The following BATF3 variants were observed in gnomAD, a reference collection of about 807,000 sequenced individuals.
The protein encoded by BATF3 is basic leucine zipper ATF-like transcription factor 3.
A neutral mutation model predicts 16.1 loss-of-function variants in BATF3; 8 were observed. The observed-to-expected ratio is 0.50, with a 90% CI of 0.29 to 0.90. BATF3 has a LOEUF of 0.90. BATF3 is among the 40% of genes least tolerant of loss of function. BATF3 has a pLI of 0.08. For missense variants in BATF3, 139 were observed against 167.0 expected (o/e 0.83, Z 0.92); for synonymous variants, 74 against 72.7 (o/e 1.02, Z -0.09).
chr1:212,696,039 G>A (rs1657117986), intron 2 of BATF3, among the ~76,000 whole-genome samples: 1 of 152,112 alleles, frequency 6.6e-6, no homozygotes, highest in Admixed American at 6.5e-5. Context: ...AGACACTGAA[G>A]CTATGGGGTC....
At chr1:212,694,906 CTG>C (rs1250070641) in intron 2 of BATF3, among the ~76,000 whole-genome samples, 8 of 152,222 alleles carry the variant, frequency 5.3e-5, no homozygotes, top group Non-Finnish European at 8.8e-5. Context: ...TTATGCCACA[CTG>C]TGAATTTATA....
In BATF3 at chr1:212,689,727, A is replaced by T. The variant is rs1357429597; in HGVS notation, c.196-2748T>A. Among the ~76,000 whole-genome samples, 1 of 151,746 alleles carries T rather than the reference A, an allele frequency of 6.6e-6. No homozygotes were observed. The highest frequency in any genetic ancestry group is 1.9e-4 in the East Asian group (1 of 5,184). On this transcript the variant is annotated intron_variant, in intron 2 of 2. Coordinates refer to ENST00000243440, the MANE Select transcript of BATF3 (RefSeq NM_018664.3). This position sits in a 1 kb window ranked among gnomAD's most constrained non-coding sequence, Gnocchi z 4.6. The stretch of plus-strand genomic sequence containing the variant: ...CACACACTCACACACTCTCATACAC[A>T]TTCACACACTCTTACACACATACAC...
rs888365358 is a variant in BATF3, at chr1:212,699,701, T to G, written c.62A>C (p.Asn21Thr). 2.2e-6 allele frequency: 3 copies of G among 1,346,064 alleles called. No homozygotes were observed. Among genetic ancestry groups the G allele is most frequent in the Non-Finnish European group, 2.9e-6 (3 of 1,044,342 alleles). The allele number at this position is 1,346,064 out of a possible 1,614,324, so 83.4% of individuals were successfully genotyped here. Residue 21 changes from asparagine (N) to threonine (T), a missense_variant, in exon 1 of 3, where the codon AAC (asparagine) becomes ACC (threonine). Coordinates refer to ENST00000243440, the MANE Select transcript of BATF3 (RefSeq NM_018664.3). The surrounding 1 kb of genome is among the most constrained non-coding windows in gnomAD (Gnocchi z 4.4). The stretch of plus-strand genomic sequence containing the variant: ...CTGCTGCGGCTGCGGCTGCGGCTGG[T>G]TCCCGGGCGCCGCGACGCTCCTCTG... ...VLQRSVAAPG[N>T]QPQPQPQQQS...
chr1:212,695,188 C>A (rs1168513185), intron 2 of BATF3, among the ~76,000 whole-genome samples: 2 of 152,080 alleles, frequency 1.3e-5, no homozygotes, highest in East Asian at 3.9e-4. Flanking sequence ...CGTGGCAAAA[C>A]CCCACCTCTA....
In BATF3 at chr1:212,689,396, A is replaced by C. The variant is rs1656940259; in HGVS notation, c.196-2417T>G. ...TGAGCCATTCCCCAGGCAGGTTCCC[A>C]GGGTGGTCTGGAGCACTCTCCAGGG... On this transcript the variant is annotated intron_variant, in intron 2 of 2. Transcript: ENST00000243440. This position sits in a 1 kb window ranked among gnomAD's most constrained non-coding sequence, Gnocchi z 4.6. Among the ~76,000 whole-genome samples the C allele has an allele frequency of 1.3e-5, 2 of 152,144 alleles. No homozygotes were observed. Among genetic ancestry groups the C allele is most frequent in the Non-Finnish European group, 2.9e-5 (2 of 68,014 alleles).
At chr1:212,688,264 T>A (rs1421696279) in intron 2 of BATF3, among the ~76,000 whole-genome samples, 8 of 152,206 alleles carry the variant, frequency 5.3e-5, no homozygotes, top group Non-Finnish European at 1.2e-4. Flanking sequence ...TTTGCCATTC[T>A]GGGGACCCTC....
Position 212,686,629 on chromosome 1 carries a change from G to C in BATF3, c.*162C>G, listed in dbSNP as rs1439344057. 2 of 1,235,716 alleles carry C rather than the reference G, an allele frequency of 1.6e-6. No homozygotes were observed. The highest frequency in any genetic ancestry group is 2.6e-5 in the East Asian group (1 of 38,844). 76.5% of individuals were successfully genotyped at this position (1,235,716 alleles called of 1,614,324 possible). On this transcript the variant is annotated 3_prime_UTR_variant, in exon 3 of 3. Coordinates refer to ENST00000243440, the MANE Select transcript of BATF3 (RefSeq NM_018664.3). ...GTGAGTTTGGCGCCTGTTGGATGTC[G>C]GGCTGAGCCCAGTCTGCAGGGAACA... is the stretch of plus-strand genomic sequence containing the variant.
chr1:212,687,999 G>GAAAT (rs60642079), intron 2 of BATF3, among the ~76,000 whole-genome samples: 1 of 77,226 alleles, frequency 1.3e-5, no homozygotes, highest in East Asian at 3.4e-4. Flanking sequence ...AAGAAAGAAA[G>GAAAT]GAAGGAAGGA....
Position 212,699,257 on chromosome 1 carries a change from C to CG in BATF3, c.90+415_90+416insC, listed in dbSNP as rs145163147. ...GGCGTTCTCCATTCCCGCGGCAGCA[C>CG]CCCCCCCACCCGGGGGAATCCTGGA... is the stretch of plus-strand genomic sequence containing the variant. On this transcript the variant is annotated intron_variant, in intron 1 of 2. Coordinates refer to ENST00000243440, the MANE Select transcript of BATF3 (RefSeq NM_018664.3). The surrounding 1 kb of genome is among the most constrained non-coding windows in gnomAD (Gnocchi z 4.4). 1.3e-5 allele frequency among the ~76,000 whole-genome samples: 1 copy of CG among 76,094 alleles called. No homozygotes were observed. The highest frequency in any genetic ancestry group is 3.2e-5 in the Non-Finnish European group (1 of 31,288). 49.9% of individuals were successfully genotyped at this position (76,094 alleles called of 152,430 possible). A position where few individuals can be genotyped will look rare whatever the true frequency, so the allele number is the denominator to read the frequency against.
chr1:212,697,107 G>T, intron 1 of BATF3, 42 bp from the exon 2 acceptor site: 1 of 1,514,250 alleles, frequency 6.6e-7, no homozygotes, highest in African/African-American at 1.4e-5. Context: ...GTGGCCCCTC[G>T]CCTTACCCTT....
chr1:212,696,993 T>C lies in BATF3; in HGVS notation c.163A>G (p.Lys55Glu). The C allele has an allele frequency of 6.2e-7, 1 of 1,614,200 alleles. No homozygotes were observed. The highest frequency in any genetic ancestry group is 8.5e-7 in the Non-Finnish European group (1 of 1,180,012). ...AGCTTGTCAGCCTTCTGGGTCTGCTTCTTCCGACTTCTCTGAGCAGCAACT... is the reference window on the plus strand; with the variant it reads ...AGCTTGTCAGCCTTCTGGGTCTGCTCCTTCCGACTTCTCTGAGCAGCAACT... ...NRVAAQRSRK[K>E]QTQKADKLHE... The change falls in exon 2 of 3, where the codon AAG becomes GAG. Residue 55 changes from lysine (K) to glutamate (E), a missense_variant. Physicochemically the swap from Lys to Glu is moderately conservative, Grantham distance 56. Transcript: ENST00000243440.
chr1:212,695,695 A>G (rs1035373155), intron 2 of BATF3, among the ~76,000 whole-genome samples: 5 of 151,984 alleles, frequency 3.3e-5, no homozygotes, highest in African/African-American at 1.2e-4. Context: ...CTTTAATTAC[A>G]CACACCAACC....
chr1:212,691,650 A>G (rs12068304), intron 2 of BATF3, among the ~76,000 whole-genome samples: 29,635 of 152,266 alleles, frequency 0.19, 3,228 homozygotes, highest in African/African-American at 0.29. Context: ...AAACCATGGC[A>G]ACACATACCA....
chr1:212,686,785 C>G lies in BATF3; in HGVS notation c.*6G>C. ...CTCCTTGCTGGGCAGAGGAGTGTCC[C>G]CGGCTTCATCGGGGCAAGCAGCCGG... is the stretch of plus-strand genomic sequence containing the variant. On this transcript the variant is annotated 3_prime_UTR_variant, in exon 3 of 3. Coordinates refer to ENST00000243440, the MANE Select transcript of BATF3 (RefSeq NM_018664.3). 1 of 1,609,282 alleles carries G rather than the reference C, an allele frequency of 6.2e-7. No individual in the cohort carries two copies. The highest frequency in any genetic ancestry group is 8.5e-7 in the Non-Finnish European group (1 of 1,177,706).
chr1:212,698,993 G>A (rs1342292663), intron 1 of BATF3, among the ~76,000 whole-genome samples: 1 of 152,198 alleles, frequency 6.6e-6, no homozygotes. Context: ...TGGGCCGGGC[G>A]CTGAATTGGG....
At chr1:212,692,335 A>G (rs1286421882) in intron 2 of BATF3, among the ~76,000 whole-genome samples, 1 of 152,192 alleles carries the variant, frequency 6.6e-6, no homozygotes, top group Non-Finnish European at 1.5e-5. Context: ...GAGCAAGGAT[A>G]ATATGCAAAT....
chr1:212,699,384 T>A lies in BATF3; in HGVS notation c.90+289A>T, dbSNP rs1345765976. Among the ~76,000 whole-genome samples the A allele has an allele frequency of 2.0e-5, 3 of 151,836 alleles. No individual in the cohort carries two copies. The highest frequency in any genetic ancestry group is 4.4e-5 in the Non-Finnish European group (3 of 67,932). ...CCCACGTGCCGGGGAGCACCGGCCA[T>A]GCCCGGCCCAGCCAGGCGTCGGCGC... On this transcript the variant is annotated intron_variant, in intron 1 of 2. Coordinates refer to ENST00000243440, the MANE Select transcript of BATF3 (RefSeq NM_018664.3). This position sits in a 1 kb window ranked among gnomAD's most constrained non-coding sequence, Gnocchi z 4.4.
Position 212,687,800 on chromosome 1 carries a change from ACCTATAGTCTCAGGTACT to A in BATF3, c.196-839_196-822del, listed in dbSNP as rs374174690. Among the ~76,000 whole-genome samples the A allele has an allele frequency of 4.4e-3, 660 of 151,498 alleles. 6 individuals carry two copies. Among genetic ancestry groups the A allele is most frequent in the Middle Eastern group, 0.014 (4 of 294 alleles). On this transcript the variant is annotated intron_variant, in intron 2 of 2. Transcript: ENST00000243440. ...TAACTAGCCAGGTGTGGTGATGCAC[ACCTATAGTCTCAGGTACT>A]CAAGAGGCTCTGCCAGGAGGATTGC...
intron 2 of BATF3, among the ~76,000 whole-genome samples, chr1:212,696,602 CTTTT>C (rs1455995720): frequency 5.3e-5 from 8 of 152,008 alleles, no homozygotes; most frequent in Admixed American, 1.3e-4. Flanking sequence ...TGTAACTACT[CTTTT>C]TTAAGAAGCA....
Sources: gnomAD v4.1 joint callset for allele counts (sites outside exome capture counted in the v4.1 genomes callset) on GRCh38, gnomAD v4.1.1 for gene constraint, Gnocchi (gnomAD v3.1) non-coding constraint, MANE v1.5 for transcripts, NCBI Gene and HGNC (gene_info 2026-07-23, HGNC 2026-07-21) for gene names.